CUL5: variants seen among roughly 807,000 people sequenced by gnomAD.
CUL5 encodes cullin-5.
In CUL5, 26 loss-of-function variants were observed where a neutral mutation model predicts 108.8. The observed-to-expected ratio is 0.24, with a 90% CI of 0.18 to 0.33. The LOEUF (loss-of-function observed/expected upper bound fraction) is 0.33, where lower values mean the gene tolerates loss of function less well. CUL5 is among the 10% of genes least tolerant of loss of function. The pLI, the probability that CUL5 is intolerant of heterozygous loss-of-function variation, is 1.00. For missense variants in CUL5, 524 were observed against 909.2 expected, an observed-to-expected ratio of 0.58 and a Z score of 5.45; for synonymous variants, 334 against 298.0, an observed-to-expected ratio of 1.12 and a Z score of -1.25.
chr11:108,044,000 G>T (rs1342653235), intron 2 of CUL5, among the ~76,000 whole-genome samples: 3 of 152,164 alleles, frequency 2.0e-5, no homozygotes, highest in African/African-American at 7.2e-5. Flanking sequence ...TTCAGCCTGG[G>T]CAACAAGAGT....
At chr11:108,042,472 T>C (rs541857220) in intron 2 of CUL5, among the ~76,000 whole-genome samples, 1 of 152,080 alleles carries the variant, frequency 6.6e-6, no homozygotes, top group South Asian at 2.1e-4. Flanking sequence ...TCCACCAACT[T>C]TGGCTTCCCT....
At chr11:108,046,598 C>A (rs555035943) in intron 3 of CUL5, 1 of 364,018 alleles carries the variant, frequency 2.7e-6, no homozygotes, top group South Asian at 4.8e-5. Context: ...TTAAAAGATG[C>A]TATAGCGAAT....
chr11:108,080,129 C>CT (rs1864039472), intron 11 of CUL5, among the ~76,000 whole-genome samples: 4 of 139,512 alleles, frequency 2.9e-5, no homozygotes, highest in South Asian at 4.5e-4. Context: ...TTTTTTTTTC[C>CT]GGTATTCGTA....
At chr11:108,067,545 T>TC (rs1462913394) in intron 7 of CUL5, among the ~76,000 whole-genome samples, 4 of 152,308 alleles carry the variant, frequency 2.6e-5, no homozygotes, top group Non-Finnish European at 5.9e-5. Context: ...TGTACATTTT[T>TC]TTTTTTTTTA....
intron 7 of CUL5, among the ~76,000 whole-genome samples, chr11:108,056,758 T>A (rs1375888535): frequency 6.6e-6 from 1 of 152,054 alleles, no homozygotes. Flanking sequence ...TCAGGCAAGG[T>A]ATTAGGCAGA....
intron 16 of CUL5, 131 bp from the exon 17 acceptor site, chr11:108,097,505 C>T (rs1452048187): frequency 8.5e-6 from 5 of 585,004 alleles, no homozygotes; most frequent in African/African-American, 3.7e-5. Context: ...ATGTTATATT[C>T]ATGGAAGTAC....
chr11:108,055,037 ATAT>A (rs1283720130), intron 7 of CUL5, 82 bp downstream of exon 7: 7 of 994,464 alleles, frequency 7.0e-6, no homozygotes, highest in Admixed American at 2.8e-5. Context: ...AACATAAATA[ATAT>A]TATTTAACAA....
rs1284064415 is a variant in CUL5 at position 108,105,519 on chromosome 11, T to G, written c.*1135T>G. On this transcript the variant is annotated 3_prime_UTR_variant, in exon 19 of 19. Transcript: ENST00000393094. Reference sequence around the variant, plus strand: ...ACGAGCAGTAAACTTGCCAAATATATGTACATATATATTTATATATTTTAA... The same window carrying G: ...ACGAGCAGTAAACTTGCCAAATATAGGTACATATATATTTATATATTTTAA... 2 of 152,444 alleles carry G rather than the reference T, an allele frequency of 1.3e-5. No homozygotes were observed. The highest frequency in any genetic ancestry group is 4.8e-5 in the African/African-American group (2 of 41,412). 9.4% of individuals were successfully genotyped at this position (152,444 alleles called of 1,614,324 possible). A position where few individuals can be genotyped will look rare whatever the true frequency, so the allele number is the denominator to read the frequency against.
chr11:108,065,302 C>T (rs1308767181), intron 7 of CUL5, among the ~76,000 whole-genome samples: 3 of 152,178 alleles, frequency 2.0e-5, no homozygotes, highest in Admixed American at 2.0e-4. Flanking sequence ...GGATTACAGG[C>T]ATGAGCCACT....
At chr11:108,075,255 TAGTA>T (rs1049074292) in intron 10 of CUL5, among the ~76,000 whole-genome samples, 36 of 152,106 alleles carry the variant, frequency 2.4e-4, no homozygotes, top group Middle Eastern at 3.4e-3. Context: ...CGTGGCGTAT[TAGTA>T]AGTCAGATCT....
chr11:108,035,612 A>G (rs1297553940), intron 2 of CUL5, among the ~76,000 whole-genome samples: 1 of 151,648 alleles, frequency 6.6e-6, no homozygotes, highest in Non-Finnish European at 1.5e-5. Flanking sequence ...GTGGTGGCAC[A>G]TGCCTGTAGT....
chr11:108,044,389 C>A (rs1275384577), intron 2 of CUL5, among the ~76,000 whole-genome samples: 2 of 152,066 alleles, frequency 1.3e-5, no homozygotes, highest in African/African-American at 4.8e-5. Context: ...GTGGCACATA[C>A]CTGTGGTCCC....
intron 7 of CUL5, among the ~76,000 whole-genome samples, chr11:108,064,667 G>A (rs972898479): frequency 1.3e-5 from 2 of 152,142 alleles, no homozygotes; most frequent in African/African-American, 4.8e-5. Flanking sequence ...CCAAGATCAT[G>A]CCACTGCATT....
At chr11:108,080,102 A>G (rs1591321403) in intron 11 of CUL5, among the ~76,000 whole-genome samples, 2 of 132,300 alleles carry the variant, frequency 1.5e-5, no homozygotes, top group East Asian at 2.2e-4. Flanking sequence ...ATGTTGAGCA[A>G]TTTTTCATCT....
intron 1 of CUL5, among the ~76,000 whole-genome samples, chr11:108,014,333 C>A (rs779793724): frequency 4.6e-5 from 7 of 152,134 alleles, no homozygotes; most frequent in Middle Eastern, 3.4e-3. Flanking sequence ...GAATAGTGTT[C>A]CTTGGGATTG....
At position 108,010,971 on chromosome 11, in the gene CUL5, C is replaced by T. The variant is rs181382635; in HGVS notation, c.24+1599C>T. ...TAGAGGTTATAGTTAACTATGATCACGCCACTGCTCTGTGAGACTCTAAAT... is the reference window on the plus strand; with the variant it reads ...TAGAGGTTATAGTTAACTATGATCATGCCACTGCTCTGTGAGACTCTAAAT... On this transcript the variant is annotated intron_variant, in intron 1 of 18. Coordinates refer to ENST00000393094, the MANE Select transcript of CUL5 (RefSeq NM_003478.6). Among the ~76,000 whole-genome samples the T allele has an allele frequency of 3.4e-3, 511 of 152,128 alleles. 11 individuals carry two copies. The highest frequency in any genetic ancestry group is 0.031 in the Admixed American group (477 of 15,272).
intron 2 of CUL5, among the ~76,000 whole-genome samples, chr11:108,037,707 A>G (rs769295204): frequency 6.6e-6 from 1 of 152,218 alleles, no homozygotes; most frequent in Non-Finnish European, 1.5e-5. Context: ...TCGTCATGTA[A>G]GCAGCTTCTG....
At chr11:108,063,004 C>T (rs1863579704) in intron 7 of CUL5, among the ~76,000 whole-genome samples, 1 of 152,058 alleles carries the variant, frequency 6.6e-6, no homozygotes, top group Admixed American at 6.6e-5. Flanking sequence ...CACCACCACG[C>T]CCGGCTAATT....
intron 1 of CUL5, among the ~76,000 whole-genome samples, chr11:108,021,146 G>A (rs1420315737): frequency 6.6e-6 from 1 of 152,146 alleles, no homozygotes; most frequent in East Asian, 1.9e-4. Flanking sequence ...TTAGATTTGT[G>A]TAAGTACATG....
Sources: allele counts gnomAD v4.1 joint callset (sites outside exome capture counted in the v4.1 genomes callset), GRCh38; gene constraint gnomAD v4.1.1; transcripts MANE v1.5; gene names NCBI Gene and HGNC (gene_info 2026-07-23, HGNC 2026-07-21).